Variants in NLGN1 observed in about 807,000 individuals in gnomAD.
The protein encoded by NLGN1 is neuroligin-1.
In NLGN1, 12 loss-of-function variants were observed where a neutral mutation model predicts 65.5. The observed-to-expected ratio is 0.18, with a 90% CI of 0.12 to 0.30. NLGN1 has a LOEUF of 0.30. Ranked by LOEUF, NLGN1 falls within the 10% of genes least tolerant of loss-of-function variation. The pLI is 1.00. For missense variants in NLGN1, 750 were observed against 1,007.1 expected, an observed-to-expected ratio of 0.74 and a Z score of 3.46; for synonymous variants, 350 against 359.5, an observed-to-expected ratio of 0.97 and a Z score of 0.30.
intron 4 of NLGN1, among the ~76,000 whole-genome samples, chr3:173,846,826 A>G (rs1725880811): frequency 6.6e-6 from 1 of 152,208 alleles, no homozygotes; most frequent in South Asian, 2.1e-4. Context: ...ATTCACACCA[A>G]AGTATTACTC....
At chr3:173,531,377 ATTGC>A (rs1262053991) in intron 2 of NLGN1, among the ~76,000 whole-genome samples, 1 of 152,150 alleles carries the variant, frequency 6.6e-6, no homozygotes, top group South Asian at 2.1e-4. Context: ...ATTTTATATT[ATTGC>A]TTATTCTCTA....
In NLGN1 at chr3:173,638,295, G is replaced by A. The variant is rs369942084; in HGVS notation, c.493+33204G>A. Among the ~76,000 whole-genome samples, 8 of 150,866 alleles carry A rather than the reference G, an allele frequency of 5.3e-5. No individual in the cohort carries two copies. In the East Asian group the frequency reaches 1.2e-3, roughly 22 times the overall value. ...ATTGTAGCTGTGAAATGAAGTGGGT[G>A]TAAAATGAGTTTGATGGTTCAGTCA... On this transcript the variant is annotated intron_variant, in intron 3 of 6. Transcript: ENST00000457714.
intron 4 of NLGN1, among the ~76,000 whole-genome samples, chr3:174,254,594 A>G (rs1745337586): frequency 6.6e-6 from 1 of 151,642 alleles, no homozygotes; most frequent in African/African-American, 2.4e-5. Flanking sequence ...TATTACCTTC[A>G]CTTAGTTAAT....
At chr3:174,230,950 T>C (rs549657449) in intron 4 of NLGN1, among the ~76,000 whole-genome samples, 1 of 152,254 alleles carries the variant, frequency 6.6e-6, no homozygotes, top group East Asian at 1.9e-4. Context: ...TGTGACTAAT[T>C]TGTTAGTCCT....
chr3:174,066,304 A>C (rs1261025145), intron 4 of NLGN1, among the ~76,000 whole-genome samples: 1 of 151,960 alleles, frequency 6.6e-6, no homozygotes, highest in Non-Finnish European at 1.5e-5. Context: ...AATTATGGAC[A>C]GGTTTTTTTT....
At chr3:173,689,937 A>G (rs905046466) in intron 3 of NLGN1, among the ~76,000 whole-genome samples, 23 of 152,216 alleles carry the variant, frequency 1.5e-4, no homozygotes, top group African/African-American at 5.3e-4. Context: ...AAATAAAAAA[A>G]TAAGTGGGGG....
intron 5 of NLGN1, 46 bp from the exon 6 acceptor site, chr3:174,278,815 A>T (rs762834032): frequency 7.1e-7 from 1 of 1,400,084 alleles, no homozygotes; most frequent in South Asian, 1.6e-5. Flanking sequence ...TTTTACCACA[A>T]CATTACCCAA....
intron 1 of NLGN1, among the ~76,000 whole-genome samples, chr3:173,414,615 C>T (rs971117678): frequency 1.3e-5 from 2 of 149,684 alleles, no homozygotes; most frequent in African/African-American, 4.9e-5. Context: ...ACTTCTTAGT[C>T]TAGAAAGAGG....
At chr3:174,085,958 C>T (rs536739463) in intron 4 of NLGN1, among the ~76,000 whole-genome samples, 9 of 151,888 alleles carry the variant, frequency 5.9e-5, no homozygotes, top group South Asian at 2.1e-4. Flanking sequence ...TTCCAACTTC[C>T]GTTACAATGA....
chr3:174,171,567 G>GA (rs1169576729), intron 4 of NLGN1, among the ~76,000 whole-genome samples: 2 of 151,944 alleles, frequency 1.3e-5, no homozygotes, highest in Non-Finnish European at 2.9e-5. Context: ...CTTTAATGTT[G>GA]AAAAATTAAA....
At chr3:173,808,926 C>T (rs1483078430) in intron 4 of NLGN1, among the ~76,000 whole-genome samples, 1 of 152,038 alleles carries the variant, frequency 6.6e-6, no homozygotes, top group Non-Finnish European at 1.5e-5. Context: ...CCTATGTAAT[C>T]ATAATTCTGT....
At chr3:174,291,443 C>T (rs1048326551), downstream of NLGN1, among the ~76,000 whole-genome samples, 1 of 151,044 alleles carries the variant, frequency 6.6e-6, no homozygotes, top group Non-Finnish European at 1.5e-5. Flanking sequence ...AAGACATATG[C>T]TAATAAGTTT....
intron 4 of NLGN1, among the ~76,000 whole-genome samples, chr3:173,878,332 G>A (rs902193372): frequency 5.9e-5 from 9 of 152,076 alleles, no homozygotes; most frequent in Admixed American, 1.3e-4. Flanking sequence ...GAGCCACTGC[G>A]CCAAGCCAAA....
chr3:173,754,967 A>G (rs1325823641), intron 3 of NLGN1, among the ~76,000 whole-genome samples: 1 of 152,124 alleles, frequency 6.6e-6, no homozygotes, highest in Non-Finnish European at 1.5e-5. Flanking sequence ...TCTAAAGGTT[A>G]AAGATAGGAC....
intron 2 of NLGN1, among the ~76,000 whole-genome samples, chr3:173,485,239 G>C (rs763965601): frequency 3.3e-5 from 5 of 151,714 alleles, no homozygotes; most frequent in Non-Finnish European, 5.9e-5. Flanking sequence ...CTCCCACTGA[G>C]TCCCTCCCAC....
intron 3 of NLGN1, among the ~76,000 whole-genome samples, chr3:173,678,874 C>A (rs74791495): frequency 6.6e-6 from 1 of 151,908 alleles, no homozygotes; most frequent in Admixed American, 6.6e-5. Flanking sequence ...AAAAGATGGA[C>A]CTATTTTATA....
rs1005998552 is a variant in NLGN1, at chr3:174,213,126, T to A, written c.647-62189T>A. ...AACTCTGAGGATTAGGATGTGGACATCATCAGAGGCCTTTTTTCTGCCTAT... is the reference window on the plus strand; with the variant it reads ...AACTCTGAGGATTAGGATGTGGACAACATCAGAGGCCTTTTTTCTGCCTAT... On this transcript the variant is annotated intron_variant, in intron 4 of 6. Transcript: ENST00000457714. Among the ~76,000 whole-genome samples, 4 of 152,216 alleles carry A rather than the reference T, an allele frequency of 2.6e-5. No individual in the cohort carries two copies. In the East Asian group the frequency reaches 5.8e-4, roughly 22 times the overall value.
At chr3:174,171,849 T>A (rs1203437662) in intron 4 of NLGN1, among the ~76,000 whole-genome samples, 1 of 152,188 alleles carries the variant, frequency 6.6e-6, no homozygotes, top group African/African-American at 2.4e-5. Context: ...TGATTCCACA[T>A]GTCAGGGTCA....
chr3:173,468,357 A>G (rs192275818), intron 2 of NLGN1, among the ~76,000 whole-genome samples: 28 of 152,184 alleles, frequency 1.8e-4, no homozygotes, highest in African/African-American at 6.7e-4. Context: ...AACTTCTGGG[A>G]TGGTATATAT....
Sources: allele counts gnomAD v4.1 joint callset (sites outside exome capture counted in the v4.1 genomes callset), GRCh38; gene constraint gnomAD v4.1.1; transcripts MANE v1.5; gene names NCBI Gene and HGNC (gene_info 2026-07-23, HGNC 2026-07-21).